Variants in C12orf54 observed in about 807,000 individuals in gnomAD.
C12orf54 encodes the protein uncharacterized protein C12orf54.
In C12orf54, 24 loss-of-function variants were observed where a neutral mutation model predicts 26.4. The observed-to-expected ratio is 0.91, with a 90% CI of 0.66 to 1.28. The LOEUF (loss-of-function observed/expected upper bound fraction) is 1.28. C12orf54 is among the 50% of genes most tolerant of loss of function. The pLI, the probability that C12orf54 is intolerant of heterozygous loss-of-function variation, is 0.00. For synonymous variants in C12orf54, 54 were observed against 47.0 expected (o/e 1.15, Z -0.61); for missense variants, 154 against 150.9 (o/e 1.02, Z -0.11).
At chr12:48,419,033 T>A in the C12orf54 span, among the ~76,000 whole-genome samples, 1 of 152,162 alleles carries the variant, frequency 6.6e-6, no homozygotes, top group Non-Finnish European at 1.5e-5. Context: ...ATATCAATGT[T>A]CTGGCATCCA....
the C12orf54 span, chr12:48,442,861 G>C: frequency 6.4e-6 from 1 of 156,238 alleles, no homozygotes; most frequent in South Asian, 2.0e-4. Context: ...AAATCACCAC[G>C]AACAGCACAA....
the C12orf54 span, among the ~76,000 whole-genome samples, chr12:48,452,507 C>A: frequency 6.6e-6 from 1 of 151,760 alleles, no homozygotes; most frequent in Admixed American, 6.6e-5. Flanking sequence ...AACTAAAGAG[C>A]TTCTGCACAG....
Position 48,487,969 on chromosome 12 carries a change from G to T in C12orf54, c.136-955G>T, listed in dbSNP as rs903513905. 11 of 748,244 alleles carry T rather than the reference G, an allele frequency of 1.5e-5. 1 individual carries two copies. Among genetic ancestry groups the T allele is most frequent in the African/African-American group, 3.4e-5 (2 of 59,492 alleles). The allele number at this position is 748,244 out of a possible 1,614,324, so 46.4% of individuals were successfully genotyped here. ...AGATGTTGATACCTAAGAAGAACTG[G>T]GTTGCCATTTATGAACTCCTTTTTA... On this transcript the variant is annotated intron_variant, in intron 4 of 8. Transcript: ENST00000548364.
chr12:48,493,325 A>G (rs1937832736), intron 7 of C12orf54, among the ~76,000 whole-genome samples: 1 of 152,186 alleles, frequency 6.6e-6, no homozygotes, highest in East Asian at 1.9e-4. Flanking sequence ...GAAGGCCACA[A>G]AGAAGGAATA....
the C12orf54 span, among the ~76,000 whole-genome samples, chr12:48,466,432 C>A: frequency 6.6e-6 from 1 of 151,976 alleles, no homozygotes; most frequent in African/African-American, 2.4e-5. Context: ...GTAATCCCAG[C>A]TACTCAGGAG....
intron 2 of C12orf54, 42 bp from the exon 3 acceptor site, chr12:48,486,136 T>G (rs777685814): frequency 6.4e-7 from 1 of 1,572,084 alleles, no homozygotes; most frequent in African/African-American, 1.3e-5. Flanking sequence ...TTAGCCCACA[T>G]TCTGTGCTCC....
At chr12:48,493,348 C>T (rs959251291) in intron 7 of C12orf54, among the ~76,000 whole-genome samples, 2 of 152,144 alleles carry the variant, frequency 1.3e-5, no homozygotes, top group South Asian at 2.1e-4. Context: ...GAATCAAGGA[C>T]GTAGGCTGGG....
the C12orf54 span, among the ~76,000 whole-genome samples, chr12:48,445,103 G>C: frequency 6.6e-6 from 1 of 152,104 alleles, no homozygotes; most frequent in African/African-American, 2.4e-5. Flanking sequence ...AACCCGGGAG[G>C]CAGAGCTTGC....
chr12:48,467,693 A>T, the C12orf54 span, among the ~76,000 whole-genome samples: 1 of 152,080 alleles, frequency 6.6e-6, no homozygotes, highest in Non-Finnish European at 1.5e-5. Context: ...GGCCCAAGGA[A>T]ACTTTTGAAT....
At chr12:48,460,552 T>C in the C12orf54 span, among the ~76,000 whole-genome samples, 1 of 152,134 alleles carries the variant, frequency 6.6e-6, no homozygotes, top group Non-Finnish European at 1.5e-5. Context: ...AGACTTGGTA[T>C]TCTTTTTAAA....
chr12:48,468,161 G>T, the C12orf54 span, among the ~76,000 whole-genome samples: 1 of 152,182 alleles, frequency 6.6e-6, no homozygotes, highest in Non-Finnish European at 1.5e-5. Context: ...TATTTATAAT[G>T]TCCAGTGGGG....
chr12:48,463,661 A>G, the C12orf54 span, among the ~76,000 whole-genome samples: 1 of 152,076 alleles, frequency 6.6e-6, no homozygotes, highest in Admixed American at 6.6e-5. Flanking sequence ...CTTGATGAAC[A>G]TCAGTGCAAA....
intron 5 of C12orf54, 183 bp downstream of exon 5, chr12:48,489,139 GC>G (rs1364151701): frequency 2.6e-6 from 2 of 762,106 alleles, no homozygotes; most frequent in Admixed American, 3.5e-5. Context: ...GCAAGAAGAT[GC>G]CTAACAGTTC....
chr12:48,455,506 G>A, the C12orf54 span, among the ~76,000 whole-genome samples: 1 of 152,186 alleles, frequency 6.6e-6, no homozygotes. Flanking sequence ...AGTTGTTACA[G>A]ATCTCAGAGA....
the C12orf54 span, among the ~76,000 whole-genome samples, chr12:48,434,522 G>C: frequency 6.6e-6 from 1 of 152,156 alleles, no homozygotes; most frequent in African/African-American, 2.4e-5. Context: ...CAGTAGGAGG[G>C]GACTGACACC....
chr12:48,414,583 T>G, the C12orf54 span, among the ~76,000 whole-genome samples: 1 of 152,224 alleles, frequency 6.6e-6, no homozygotes, highest in African/African-American at 2.4e-5. Flanking sequence ...TCCTAGCCAG[T>G]TTGTGTGACT....
chr12:48,434,309 C>T, the C12orf54 span, among the ~76,000 whole-genome samples: 1 of 152,226 alleles, frequency 6.6e-6, no homozygotes. Context: ...GGAGGACTGC[C>T]TGCCTCTGTA....
the C12orf54 span, among the ~76,000 whole-genome samples, chr12:48,441,149 C>T: frequency 3.3e-5 from 5 of 152,166 alleles, no homozygotes; most frequent in Non-Finnish European, 7.3e-5. Context: ...TAACACAGTG[C>T]CTGATAGGAT....
chr12:48,425,527 G>A, the C12orf54 span, among the ~76,000 whole-genome samples: 54 of 152,172 alleles, frequency 3.5e-4, no homozygotes, highest in African/African-American at 1.3e-3. Flanking sequence ...GAATAGTGCT[G>A]CAATGAACAT....
Sources: allele counts gnomAD v4.1 joint callset (sites outside exome capture counted in the v4.1 genomes callset), GRCh38; gene constraint gnomAD v4.1.1; transcripts MANE v1.5; gene names NCBI Gene and HGNC (gene_info 2026-07-23, HGNC 2026-07-21).